The following JAM3 variants were observed in gnomAD, a reference collection of about 807,000 sequenced individuals.
JAM3 encodes junctional adhesion molecule 3.
Under a neutral mutation model 39.4 loss-of-function variants are expected in JAM3, and 31 were observed. That is an observed-to-expected ratio of 0.79 (90% confidence interval 0.59 to 1.06). JAM3 has a LOEUF of 1.06. JAM3 is among the 50% of genes least tolerant of loss of function. The probability of loss-of-function intolerance (pLI) is 0.00; values close to 1 mark genes in which losing one functional copy is unlikely to be tolerated. For missense variants in JAM3, 455 were observed against 391.4 expected, an observed-to-expected ratio of 1.16 and a Z score of -1.37; for synonymous variants, 182 against 148.7, an observed-to-expected ratio of 1.22 and a Z score of -1.63.
At chr11:134,071,603 T>C (rs1941484697) in intron 1 of JAM3, among the ~76,000 whole-genome samples, 1 of 152,244 alleles carries the variant, frequency 6.6e-6, no homozygotes, top group Non-Finnish European at 1.5e-5. Flanking sequence ...AGTGCCTTAT[T>C]TAGAATTAAA....
intron 6 of JAM3, among the ~76,000 whole-genome samples, chr11:134,147,429 G>C (rs1365235425): frequency 7.1e-6 from 1 of 141,668 alleles, no homozygotes; most frequent in African/African-American, 2.7e-5. Context: ...ACTCCAGCCT[G>C]GGTGACGGTG....
At chr11:134,076,048 C>T (rs1270219) in intron 1 of JAM3, among the ~76,000 whole-genome samples, 66,589 of 151,168 alleles carry the variant, frequency 0.44, 17,300 homozygotes, top group African/African-American at 0.74. Context: ...CACAGTTTTT[C>T]CACCAATTAT....
intron 1 of JAM3, among the ~76,000 whole-genome samples, chr11:134,112,702 G>T (rs1206195789): frequency 6.6e-6 from 1 of 152,140 alleles, no homozygotes; most frequent in African/African-American, 2.4e-5. Context: ...TCACACAGAG[G>T]TCACATGGCT....
intron 1 of JAM3, among the ~76,000 whole-genome samples, chr11:134,139,215 A>G (rs1049578521): frequency 3.9e-5 from 6 of 152,374 alleles, no homozygotes; most frequent in Admixed American, 3.9e-4. Flanking sequence ...TTGCCATGCA[A>G]TTAGTTATCT....
At position 134,112,746 on chromosome 11, in the gene JAM3, G is replaced by A. The variant is rs563832261; in HGVS notation, c.77-27105G>A. 2.6e-5 allele frequency among the ~76,000 whole-genome samples: 4 copies of A among 152,274 alleles called. No individual in the cohort carries two copies. In the South Asian group the frequency reaches 8.3e-4, roughly 32 times the overall value. ...GTACCGGTGGAGGAGATCAACTCAA[G>A]TAGCAACTCCAGAGTACATGCTCTT... On this transcript the variant is annotated intron_variant, in intron 1 of 8. Coordinates refer to ENST00000299106, the MANE Select transcript of JAM3 (RefSeq NM_032801.5).
At chr11:134,085,811 C>T (rs990697186) in intron 1 of JAM3, among the ~76,000 whole-genome samples, 13 of 152,162 alleles carry the variant, frequency 8.5e-5, no homozygotes, top group African/African-American at 3.1e-4. Flanking sequence ...AAGAGAACAT[C>T]ACAGTGTAAG....
chr11:134,077,439 C>G (rs560372974), intron 1 of JAM3, among the ~76,000 whole-genome samples: 2 of 151,312 alleles, frequency 1.3e-5, no homozygotes, highest in Admixed American at 1.3e-4. Flanking sequence ...TCTCGGCTCA[C>G]TGCAACCTCC....
At chr11:134,077,853 T>C (rs1407762892) in intron 1 of JAM3, among the ~76,000 whole-genome samples, 1 of 151,912 alleles carries the variant, frequency 6.6e-6, no homozygotes, top group East Asian at 1.9e-4. Flanking sequence ...TGTTTCACCA[T>C]GTTGGCCAGG....
chr11:134,124,058 A>C lies in JAM3; in HGVS notation c.77-15793A>C, dbSNP rs1942590248. 2.7e-6 allele frequency: 4 copies of C among 1,459,214 alleles called. No individual in the cohort carries two copies. In the African/African-American group the frequency reaches 5.6e-5, roughly 20 times the overall value. The allele number at this position is 1,459,214 out of a possible 1,614,324, so 90.4% of individuals were successfully genotyped here. A position where few individuals can be genotyped will look rare whatever the true frequency, so the allele number is the denominator to read the frequency against. ...CTGCAACACAGCCACCTGGCTCTTCACAGAATTTGGTTTATAACAGGTTTA... is the reference window on the plus strand; with the variant it reads ...CTGCAACACAGCCACCTGGCTCTTCCCAGAATTTGGTTTATAACAGGTTTA... On this transcript the variant is annotated intron_variant, in intron 1 of 8. Coordinates refer to ENST00000299106, the MANE Select transcript of JAM3 (RefSeq NM_032801.5).
At chr11:134,080,844 C>A (rs1448988487) in intron 1 of JAM3, among the ~76,000 whole-genome samples, 1 of 152,084 alleles carries the variant, frequency 6.6e-6, no homozygotes, top group Non-Finnish European at 1.5e-5. Flanking sequence ...CAGAAGAAGA[C>A]AAGAAAATGT....
chr11:134,132,795 G>A (rs1174900661), intron 1 of JAM3, among the ~76,000 whole-genome samples: 1 of 152,170 alleles, frequency 6.6e-6, no homozygotes, highest in African/African-American at 2.4e-5. Flanking sequence ...ATGTCTGGGG[G>A]GGCCTGCTAA....
Position 134,086,711 on chromosome 11 carries a change from A to T in JAM3, c.76+17552A>T, listed in dbSNP as rs76430689. Among the ~76,000 whole-genome samples, 1,362 of 152,316 alleles carry T rather than the reference A, an allele frequency of 8.9e-3. 28 individuals are homozygous for T. Among genetic ancestry groups the T allele is most frequent in the African/African-American group, 0.031 (1,303 of 41,566 alleles). ...GAATGAATGAGTTCAGGACAAGAAA[A>T]TGCCACGTAAATAGATAGGGCTCCA... On this transcript the variant is annotated intron_variant, in intron 1 of 8. Coordinates refer to ENST00000299106, the MANE Select transcript of JAM3 (RefSeq NM_032801.5).
intron 1 of JAM3, among the ~76,000 whole-genome samples, chr11:134,132,406 C>A (rs1006095328): frequency 2.6e-5 from 4 of 151,954 alleles, no homozygotes; most frequent in Non-Finnish European, 4.4e-5. Flanking sequence ...ACCACCAGAC[C>A]TCTATAGGAA....
intron 1 of JAM3, among the ~76,000 whole-genome samples, chr11:134,122,884 G>A (rs1942563366): frequency 6.6e-6 from 1 of 152,228 alleles, no homozygotes; most frequent in South Asian, 2.1e-4. Flanking sequence ...TGTACAGGGT[G>A]TAGAAAGTAG....
In JAM3 at chr11:134,149,585, G is replaced by A; in HGVS notation, c.*404G>A. 2.1e-6 allele frequency: 1 copy of A among 472,678 alleles called. No individual in the cohort carries two copies. Among genetic ancestry groups the A allele is most frequent in the Non-Finnish European group, 4.2e-6 (1 of 238,160 alleles). The allele number at this position is 472,678 out of a possible 1,614,324, so 29.3% of individuals were successfully genotyped here. The stretch of plus-strand genomic sequence containing the variant: ...ACAGCACCATGTGAGATGGCGAGGT[G>A]GCTGGACAGCACCAGCAGCGCATCC... On this transcript the variant is annotated 3_prime_UTR_variant, in exon 9 of 9. Transcript: ENST00000299106.
Position 134,148,775 on chromosome 11 carries a change from C to T in JAM3, c.854C>T (p.Pro285Leu). 1 of 1,614,150 alleles carries T rather than the reference C, an allele frequency of 6.2e-7. No homozygotes were observed. Among genetic ancestry groups the T allele is most frequent in the Non-Finnish European group, 8.5e-7 (1 of 1,180,016 alleles). ...TCTTCTCCTCATAGTTACAAGAACC[C>T]AGGGAAACCAGATGGAGTTAACTAC... ...NKQDGESYKN[P>L]GKPDGVNYIR... The change falls in exon 8 of 9, where the codon CCA becomes CTA. Residue 285 changes from proline (P) to leucine (L), a missense_variant. Pro to Leu is a moderately conservative substitution (Grantham distance 98, BLOSUM62 -3). Transcript: ENST00000299106.
chr11:134,121,103 C>T (rs1373988877), intron 1 of JAM3, among the ~76,000 whole-genome samples: 2 of 152,156 alleles, frequency 1.3e-5, no homozygotes, highest in African/African-American at 4.8e-5. Context: ...AGGCTGGGGA[C>T]AGTGCAGATC....
At position 134,149,480 on chromosome 11, in the gene JAM3, T is replaced by C; in HGVS notation, c.*299T>C. 1 of 549,250 alleles carries C rather than the reference T, an allele frequency of 1.8e-6. No homozygotes were observed. The highest frequency in any genetic ancestry group is 1.9e-5 in the South Asian group (1 of 53,530). 34.0% of individuals were successfully genotyped at this position (549,250 alleles called of 1,614,324 possible). On this transcript the variant is annotated 3_prime_UTR_variant, in exon 9 of 9. Transcript: ENST00000299106. ...TTCCCGCATGAGTATTAGGGTGATC[T>C]TAAAGAGTTTGCTCACGTAAACGCC...
chr11:134,091,676 G>A (rs1941857866), intron 1 of JAM3, among the ~76,000 whole-genome samples: 1 of 151,996 alleles, frequency 6.6e-6, no homozygotes, highest in Non-Finnish European at 1.5e-5. Context: ...TTTGGTAGTG[G>A]GTGAAGTGGA....
Sources: allele counts gnomAD v4.1 joint callset (sites outside exome capture counted in the v4.1 genomes callset), GRCh38; gene constraint gnomAD v4.1.1; transcripts MANE v1.5; gene names NCBI Gene and HGNC (gene_info 2026-07-23, HGNC 2026-07-21).